RNF157: variants seen among roughly 807,000 people sequenced by gnomAD.
RNF157 encodes the protein E3 ubiquitin ligase RNF157.
RNF157 carries 55 observed loss-of-function variants against 88.3 expected under a neutral mutation model. The observed-to-expected ratio is 0.62, with a 90% CI of 0.50 to 0.78. The LOEUF (loss-of-function observed/expected upper bound fraction) is 0.78. Among genes scored for constraint, RNF157 ranks in the 30% least tolerant of loss-of-function variants. RNF157 has a pLI of 0.00. For missense variants in RNF157, 788 were observed against 860.8 expected, an observed-to-expected ratio of 0.92 and a Z score of 1.06; for synonymous variants, 334 against 341.2, an observed-to-expected ratio of 0.98 and a Z score of 0.23.
rs1332509364 is a variant in RNF157, at chr17:76,161,853, G to A, written c.942C>T (p.Ile314=). ...TLRYQANNCP[I]CRLPFRALLQ... ...CGCTCTGGGGCTTACGCAGTCGGCA[G>A]ATGGGGCAGTTGTTGGCCTGGTAGC... Residue 314 remains isoleucine (I), a synonymous_variant, in exon 10 of 19, where the codon ATC becomes ATT. Coordinates refer to ENST00000269391, the MANE Select transcript of RNF157 (RefSeq NM_052916.3). The surrounding 1 kb of genome is among the most constrained non-coding windows in gnomAD (Gnocchi z 4.6). The A allele has an allele frequency of 6.2e-7, 1 of 1,613,976 alleles. No individual in the cohort carries two copies. Among genetic ancestry groups the A allele is most frequent in the Non-Finnish European group, 8.5e-7 (1 of 1,179,930 alleles).
At position 76,152,959 on chromosome 17, in the gene RNF157, A is replaced by G. The variant is rs983007334; in HGVS notation, c.1811-494T>C. Among the ~76,000 whole-genome samples, 8 of 152,244 alleles carry G rather than the reference A, an allele frequency of 5.3e-5. No individual in the cohort carries two copies. The East Asian group carries it at 1.5e-3, about 29-fold the overall frequency. On this transcript the variant is annotated intron_variant, in intron 17 of 18. Transcript: ENST00000269391. Reference sequence around the variant, plus strand: ...TAGGGTCCATAATTTTGCATATCAAATCAGAATGACTACATTCACAAAATT... The same window carrying G: ...TAGGGTCCATAATTTTGCATATCAAGTCAGAATGACTACATTCACAAAATT...
At position 76,158,350 on chromosome 17, in the gene RNF157, C is replaced by T. The variant is rs1037523649; in HGVS notation, c.1413+43G>A. 2.4e-5 allele frequency: 33 copies of T among 1,352,286 alleles called. No individual in the cohort carries two copies. In the African/African-American group the frequency reaches 3.0e-4, roughly 12 times the overall value. 83.8% of individuals were successfully genotyped at this position (1,352,286 alleles called of 1,614,324 possible). A position where few individuals can be genotyped will look rare whatever the true frequency, so the allele number is the denominator to read the frequency against. On this transcript the variant is annotated intron_variant, in intron 13 of 18. Coordinates refer to ENST00000269391, the MANE Select transcript of RNF157 (RefSeq NM_052916.3). ...GAGGCATGCAGGTAGGAGGGAAGTCCCTGGAGTACAACACCCAAGAAGAGG... is the reference window on the plus strand; with the variant it reads ...GAGGCATGCAGGTAGGAGGGAAGTCTCTGGAGTACAACACCCAAGAAGAGG...
chr17:76,182,632 C>A lies in RNF157; in HGVS notation c.208-8842G>T, dbSNP rs115049892. Among the ~76,000 whole-genome samples, 427 of 151,202 alleles carry A rather than the reference C, an allele frequency of 2.8e-3. 4 individuals carry two copies. Among genetic ancestry groups the A allele is most frequent in the African/African-American group, 9.9e-3 (406 of 41,080 alleles). Reference sequence around the variant, plus strand: ...TCTGTGTGTAAATTATTAGGCAATTCCCAGTAGTCTACAAAAAAACACAAT... The same window carrying A: ...TCTGTGTGTAAATTATTAGGCAATTACCAGTAGTCTACAAAAAAACACAAT... On this transcript the variant is annotated intron_variant, in intron 2 of 18. Coordinates refer to ENST00000269391, the MANE Select transcript of RNF157 (RefSeq NM_052916.3).
chr17:76,191,804 A>G (rs2069391304), intron 2 of RNF157, among the ~76,000 whole-genome samples: 1 of 152,080 alleles, frequency 6.6e-6, no homozygotes, highest in African/African-American at 2.4e-5. Context: ...GATAAAGTAT[A>G]TGTCTGATTA....
chr17:76,198,953 A>G (rs566597166), intron 2 of RNF157, among the ~76,000 whole-genome samples: 1 of 152,324 alleles, frequency 6.6e-6, no homozygotes, highest in East Asian at 1.9e-4. Flanking sequence ...GCCTCTGCTC[A>G]TGGGCCCTCC....
chr17:76,194,640 A>C (rs2069442997), intron 2 of RNF157, among the ~76,000 whole-genome samples: 1 of 152,244 alleles, frequency 6.6e-6, no homozygotes, highest in Non-Finnish European at 1.5e-5. Context: ...GTTTCCTTCC[A>C]GTTTAGATAA....
intron 3 of RNF157, among the ~76,000 whole-genome samples, chr17:76,173,417 T>C (rs2069050643): frequency 6.6e-6 from 1 of 152,242 alleles, no homozygotes; most frequent in African/African-American, 2.4e-5. Flanking sequence ...TTAATAATTC[T>C]TCTTCCCTTT....
chr17:76,223,954 G>A (rs2070033141), intron 1 of RNF157, among the ~76,000 whole-genome samples: 1 of 152,098 alleles, frequency 6.6e-6, no homozygotes, highest in Admixed American at 6.6e-5. Context: ...GCCCACACTG[G>A]CCAGAGCAGC....
intron 8 of RNF157, chr17:76,164,088 C>A (rs2068885793): frequency 6.6e-6 from 1 of 152,312 alleles, no homozygotes; most frequent in Non-Finnish European, 1.5e-5. Flanking sequence ...CTGCTCTACA[C>A]CCTCCGTGAG....
chr17:76,193,422 C>A (rs907788225), intron 2 of RNF157, among the ~76,000 whole-genome samples: 2 of 152,134 alleles, frequency 1.3e-5, no homozygotes, highest in Non-Finnish European at 2.9e-5. Flanking sequence ...CTACAAATCC[C>A]AAAGCACTTG....
intron 1 of RNF157, among the ~76,000 whole-genome samples, chr17:76,227,417 G>C (rs905318798): frequency 1.3e-5 from 2 of 151,826 alleles, no homozygotes; most frequent in Non-Finnish European, 2.9e-5. Flanking sequence ...CACTGCGCCT[G>C]GCCTATAATC....
At chr17:76,209,868 T>G (rs904301416) in intron 2 of RNF157, among the ~76,000 whole-genome samples, 2 of 152,122 alleles carry the variant, frequency 1.3e-5, no homozygotes, top group Non-Finnish European at 2.9e-5. Flanking sequence ...CAAGCGATTC[T>G]CCTGCCTCAG....
Position 76,167,026 on chromosome 17 carries a change from C to A in RNF157, c.544G>T (p.Glu182Ter). Residue 182 changes from glutamate (E) to a stop codon, truncating the protein, a stop_gained, in exon 5 of 19, where the codon GAG becomes TAG. Coordinates refer to ENST00000269391, the MANE Select transcript of RNF157 (RefSeq NM_052916.3). LOFTEE classifies it high-confidence loss of function. Reference protein sequence around the residue: ...CLPSHTVDPSEWAEEELGFDL... With the variant: ...CLPSHTVDPS ...CAGCTCACCTCCTCTTCGGCCCACT[C>A]GGAGGGATCCACGGTGTGGGAGGGC... The A allele has an allele frequency of 6.2e-7, 1 of 1,610,196 alleles. No homozygotes were observed. The highest frequency in any genetic ancestry group is 2.2e-5 in the East Asian group (1 of 44,722).
chr17:76,205,998 G>C (rs2069675742), intron 2 of RNF157, among the ~76,000 whole-genome samples: 1 of 152,204 alleles, frequency 6.6e-6, no homozygotes, highest in Non-Finnish European at 1.5e-5. Flanking sequence ...CAGAGGCCAA[G>C]ACAGGAAGAC....
rs530479467 is a variant in RNF157, at chr17:76,225,882, C to T, written c.89-13400G>A. 60 of 1,613,534 alleles carry T rather than the reference C, an allele frequency of 3.7e-5. No individual in the cohort carries two copies. In the East Asian group the frequency reaches 1.0e-3, roughly 28 times the overall value. ...TTCTTCTTTTCCAGCTCTTTGCACT[C>T]GCCAGTGAGAGCCTCCTGCTCCGCC... On this transcript the variant is annotated intron_variant, in intron 1 of 18. Transcript: ENST00000269391.
chr17:76,238,067 C>T (rs1479246467), intron 1 of RNF157, among the ~76,000 whole-genome samples: 3 of 143,500 alleles, frequency 2.1e-5, no homozygotes, highest in East Asian at 4.1e-4. Flanking sequence ...CTGGGCGTGA[C>T]AGAGAGAGAC....
At chr17:76,164,925 C>T in intron 7 of RNF157, 130 bp from the exon 8 acceptor site, 1 of 597,860 alleles carries the variant, frequency 1.7e-6, no homozygotes, top group East Asian at 2.9e-5. Flanking sequence ...TTTCAATTAC[C>T]CGCCATCAAC....
intron 2 of RNF157, among the ~76,000 whole-genome samples, chr17:76,201,510 T>TAA (rs199750475): frequency 1.3e-5 from 2 of 148,210 alleles, no homozygotes; most frequent in African/African-American, 5.0e-5. Flanking sequence ...AGCTTATTTC[T>TAA]AAAAAAAAAA....
intron 18 of RNF157, among the ~76,000 whole-genome samples, chr17:76,148,114 T>C (rs1030594234): frequency 3.3e-5 from 5 of 152,158 alleles, no homozygotes; most frequent in African/African-American, 1.2e-4. Flanking sequence ...AGTCTTGAGT[T>C]TTGAGGCCTC....
Sources: allele counts gnomAD v4.1 joint callset (sites outside exome capture counted in the v4.1 genomes callset), GRCh38; gene constraint gnomAD v4.1.1; non-coding constraint Gnocchi (gnomAD v3.1); transcripts MANE v1.5; gene names NCBI Gene and HGNC (gene_info 2026-07-23, HGNC 2026-07-21).